NR1H4: variants seen among roughly 807,000 people sequenced by gnomAD.
The protein encoded by NR1H4 is bile acid receptor.
NR1H4 carries 23 observed loss-of-function variants against 58.5 expected under a neutral mutation model. The ratio of observed to expected loss-of-function variants is 0.39; its 90% CI spans 0.28 to 0.56. The LOEUF (loss-of-function observed/expected upper bound fraction) is 0.56. Ranked by LOEUF, NR1H4 falls within the 20% of genes least tolerant of loss-of-function variation. The pLI is 0.58. For synonymous variants in NR1H4, 214 were observed against 198.0 expected (o/e 1.08, Z -0.68); for missense variants, 487 against 576.9 (o/e 0.84, Z 1.60).
At chr12:100,508,599 T>C (rs890996329) in intron 3 of NR1H4, among the ~76,000 whole-genome samples, 1 of 152,160 alleles carries the variant, frequency 6.6e-6, no homozygotes, top group African/African-American at 2.4e-5. Flanking sequence ...CTCATGGTAC[T>C]CATTTGTAAG....
intron 4 of NR1H4, among the ~76,000 whole-genome samples, chr12:100,521,718 G>A (rs1954424051): frequency 6.6e-6 from 1 of 152,180 alleles, no homozygotes; most frequent in African/African-American, 2.4e-5. Flanking sequence ...TTCCAGTATA[G>A]AATAGATGTA....
intron 9 of NR1H4, among the ~76,000 whole-genome samples, chr12:100,547,926 T>A (rs910448178): frequency 6.6e-6 from 1 of 150,940 alleles, no homozygotes; most frequent in African/African-American, 2.4e-5. Context: ...TTTACCATGT[T>A]AGCCAGGATG....
rs190093897 is a variant in NR1H4 at position 100,562,321 on chromosome 12, A to T, written c.1192+323A>T. Among the ~76,000 whole-genome samples the T allele has an allele frequency of 1.1e-3, 174 of 152,346 alleles. 1 individual carries two copies. Among genetic ancestry groups the T allele is most frequent in the Non-Finnish European group, 2.0e-3 (134 of 68,028 alleles). ...AGGATGAGAAAGATAATAAATGAAG[A>T]AACAATATTTTTTCAGAAGGTGGTA... is the stretch of plus-strand genomic sequence containing the variant. On this transcript the variant is annotated intron_variant, in intron 10 of 10. Coordinates refer to ENST00000392986, the MANE Select transcript of NR1H4 (RefSeq NM_001206979.2).
intron 3 of NR1H4, 149 bp downstream of exon 3, chr12:100,493,551 G>A: frequency 3.2e-6 from 2 of 623,984 alleles, no homozygotes; most frequent in Non-Finnish European, 5.8e-6. Context: ...TACTCTGCAA[G>A]GTTAGAGGTA....
chr12:100,540,901 C>A, intron 9 of NR1H4, 83 bp downstream of exon 9: 1 of 1,338,678 alleles, frequency 7.5e-7, no homozygotes, highest in Non-Finnish European at 1.1e-6. Context: ...TCTTGCCAAT[C>A]TTATGCAATG....
rs896752142 is a variant in NR1H4 at position 100,503,223 on chromosome 12, A to T, written c.80-7555A>T. 5.0e-6 allele frequency: 4 copies of T among 807,244 alleles called. No individual in the cohort carries two copies. In the East Asian group the frequency reaches 1.3e-4, roughly 27 times the overall value. The allele number at this position is 807,244 out of a possible 1,614,324, so 50.0% of individuals were successfully genotyped here. ...AGTACTCCCCCAAAATGTTTATCTAAGAGACTGGTTTCCAGCTTACTAGGC... is the reference window on the plus strand; with the variant it reads ...AGTACTCCCCCAAAATGTTTATCTATGAGACTGGTTTCCAGCTTACTAGGC... On this transcript the variant is annotated intron_variant, in intron 3 of 10. Coordinates refer to ENST00000392986, the MANE Select transcript of NR1H4 (RefSeq NM_001206979.2).
intron 1 of NR1H4, among the ~76,000 whole-genome samples, chr12:100,482,562 C>T (rs1047417016): frequency 1.3e-5 from 2 of 152,124 alleles, no homozygotes; most frequent in African/African-American, 4.8e-5. Flanking sequence ...TGTAATCTCT[C>T]CTAGAGCTGC....
intron 9 of NR1H4, among the ~76,000 whole-genome samples, chr12:100,552,844 C>T (rs911257151): frequency 6.6e-6 from 1 of 152,056 alleles, no homozygotes; most frequent in Non-Finnish European, 1.5e-5. Flanking sequence ...GCTTGAGCCC[C>T]CAGGAGGCCA....
intron 4 of NR1H4, among the ~76,000 whole-genome samples, chr12:100,517,429 C>G (rs1358175456): frequency 6.6e-6 from 1 of 152,124 alleles, no homozygotes; most frequent in Non-Finnish European, 1.5e-5. Flanking sequence ...ATCCAGTCAT[C>G]CATTGATGAA....
intron 1 of NR1H4, among the ~76,000 whole-genome samples, chr12:100,483,182 TC>T (rs1036692626): frequency 2.0e-5 from 3 of 152,022 alleles, no homozygotes; most frequent in Non-Finnish European, 4.4e-5. Flanking sequence ...CACCTCAGCC[TC>T]CCAAAGTGCT....
chr12:100,563,697 A>T lies in NR1H4; in HGVS notation c.*208A>T, dbSNP rs547539960. On this transcript the variant is annotated 3_prime_UTR_variant, in exon 11 of 11. Coordinates refer to ENST00000392986, the MANE Select transcript of NR1H4 (RefSeq NM_001206979.2). ...ATTGTGTTTTAAAAGGCTCCAGGGA[A>T]TCCTGCATTCTAATTGGCAAGCCCT... 1 of 563,046 alleles carries T rather than the reference A, an allele frequency of 1.8e-6. No individual in the cohort carries two copies. The highest frequency in any genetic ancestry group is 1.9e-5 in the African/African-American group (1 of 53,482). The allele number at this position is 563,046 out of a possible 1,614,324, so 34.9% of individuals were successfully genotyped here.
In NR1H4 at chr12:100,513,837, G is replaced by GAAGGA. The variant is rs1464055761; in HGVS notation, c.445+2696_445+2700dup. 4.3e-5 allele frequency among the ~76,000 whole-genome samples: 6 copies of GAAGGA among 140,856 alleles called. No individual in the cohort carries two copies. In the East Asian group the frequency reaches 1.1e-3, roughly 25 times the overall value. 92.4% of individuals were successfully genotyped at this position (140,856 alleles called of 152,430 possible). A position where few individuals can be genotyped will look rare whatever the true frequency, so the allele number is the denominator to read the frequency against. On this transcript the variant is annotated intron_variant, in intron 4 of 10. Transcript: ENST00000392986. ...GGAAGGAAGGAAGGAAGGAAGGAAGGAAGGAAGGAAGGAAGGAAGGAAGGA... is the reference window on the plus strand; with the variant it reads ...GGAAGGAAGGAAGGAAGGAAGGAAGGAAGGAAAGGAAGGAAGGAAGGAAGGAAGGA...
At chr12:100,538,155 A>G (rs1954856091) in intron 8 of NR1H4, among the ~76,000 whole-genome samples, 3 of 152,160 alleles carry the variant, frequency 2.0e-5, no homozygotes, top group Admixed American at 2.0e-4. Flanking sequence ...CAGACTGATG[A>G]AGGCCTAACT....
intron 7 of NR1H4, 71 bp from the exon 8 acceptor site, chr12:100,536,877 T>G: frequency 1.1e-6 from 1 of 940,704 alleles, no homozygotes; most frequent in Non-Finnish European, 1.6e-6. Flanking sequence ...TAGTTTTTCT[T>G]TAGTCTAATG....
intron 1 of NR1H4, among the ~76,000 whole-genome samples, chr12:100,484,091 T>C (rs79078192): frequency 0.014 from 2,091 of 152,220 alleles, 51 homozygotes; most frequent in African/African-American, 0.048. Flanking sequence ...TGTTTTTTCC[T>C]GCCCTTTAAA....
At chr12:100,538,970 A>T (rs1954873531) in intron 8 of NR1H4, among the ~76,000 whole-genome samples, 1 of 152,370 alleles carries the variant, frequency 6.6e-6, no homozygotes. Context: ...TGGAGGAAAG[A>T]ACTGGAAAAA....
chr12:100,562,852 G>A (rs1197015122), intron 10 of NR1H4, among the ~76,000 whole-genome samples: 2 of 152,110 alleles, frequency 1.3e-5, no homozygotes, highest in African/African-American at 4.8e-5. Flanking sequence ...GAAGCTAGTT[G>A]TTACTTTGCT....
intron 3 of NR1H4, among the ~76,000 whole-genome samples, chr12:100,494,337 T>G (rs533397617): frequency 1.3e-5 from 2 of 152,326 alleles, no homozygotes; most frequent in East Asian, 3.9e-4. Flanking sequence ...GGTCATTATT[T>G]GTAATAATTA....
intron 2 of NR1H4, among the ~76,000 whole-genome samples, chr12:100,492,980 A>G (rs2136103616): frequency 6.6e-6 from 1 of 152,244 alleles, no homozygotes; most frequent in South Asian, 2.1e-4. Flanking sequence ...AAATGTCATC[A>G]TATCTTGCCC....
Sources: allele counts gnomAD v4.1 joint callset (sites outside exome capture counted in the v4.1 genomes callset), GRCh38; gene constraint gnomAD v4.1.1; transcripts MANE v1.5; gene names NCBI Gene and HGNC (gene_info 2026-07-23, HGNC 2026-07-21).